PRKD1: variants seen among roughly 807,000 people sequenced by gnomAD.
PRKD1 encodes serine/threonine-protein kinase D1.
In PRKD1, 63 loss-of-function variants were observed where a neutral mutation model predicts 95.9. The ratio of observed to expected loss-of-function variants is 0.66; its 90% CI spans 0.54 to 0.81. The LOEUF (loss-of-function observed/expected upper bound fraction) is 0.81, where lower values mean the gene tolerates loss of function less well. PRKD1 is among the 30% of genes least tolerant of loss of function. The pLI, the probability that PRKD1 is intolerant of heterozygous loss-of-function variation, is 0.00. For missense variants in PRKD1, 1,048 were observed against 1,165.3 expected (o/e 0.90, Z 1.47); for synonymous variants, 425 against 423.1 (o/e 1.00, Z -0.05).
At chr14:29,838,179 T>C (rs1437388817) in intron 1 of PRKD1, among the ~76,000 whole-genome samples, 2 of 152,164 alleles carry the variant, frequency 1.3e-5, no homozygotes, top group African/African-American at 4.8e-5. Context: ...GGGGATGAAA[T>C]TTTTGGACCC....
At chr14:29,710,037 G>T (rs1885266636) in intron 2 of PRKD1, among the ~76,000 whole-genome samples, 1 of 152,090 alleles carries the variant, frequency 6.6e-6, no homozygotes, top group South Asian at 2.1e-4. Flanking sequence ...GTTTAAGAAG[G>T]AAAGTTGAAT....
At chr14:29,712,784 T>C (rs556391284) in intron 2 of PRKD1, among the ~76,000 whole-genome samples, 2 of 152,290 alleles carry the variant, frequency 1.3e-5, no homozygotes, top group Non-Finnish European at 2.9e-5. Flanking sequence ...ATGGGTTGCA[T>C]GTTAAAAGCA....
At chr14:29,759,603 G>T (rs1414042145) in intron 1 of PRKD1, among the ~76,000 whole-genome samples, 2 of 152,148 alleles carry the variant, frequency 1.3e-5, no homozygotes, top group African/African-American at 4.8e-5. Context: ...AGTGATTCTT[G>T]GATTAAGTTT....
intron 13 of PRKD1, among the ~76,000 whole-genome samples, chr14:29,605,774 T>C (rs1893682160): frequency 6.6e-6 from 1 of 152,214 alleles, no homozygotes; most frequent in South Asian, 2.1e-4. Context: ...AGTCTCTACG[T>C]CTCCTTACTT....
At chr14:29,628,404 A>G (rs1175108673) in intron 11 of PRKD1, among the ~76,000 whole-genome samples, 2 of 152,234 alleles carry the variant, frequency 1.3e-5, no homozygotes, top group Non-Finnish European at 2.9e-5. Flanking sequence ...GCTACTTGCC[A>G]TAGGGATAAA....
In PRKD1 at chr14:29,855,283, G is replaced by A. The variant is rs565140026; in HGVS notation, c.264+71966C>T. 2.9e-4 allele frequency among the ~76,000 whole-genome samples: 44 copies of A among 152,286 alleles called. 1 individual carries two copies. Among genetic ancestry groups the A allele is most frequent in the East Asian group, 9.7e-4 (5 of 5,160 alleles). ...CTGTACCCTGCAAAGCCATAGGGAC[G>A]GAGCTGCCCAAGACCATGGGAACCC... On this transcript the variant is annotated intron_variant, in intron 1 of 17. Transcript: ENST00000331968.
intron 1 of PRKD1, among the ~76,000 whole-genome samples, chr14:29,855,680 T>G (rs535692238): frequency 6.6e-6 from 1 of 152,288 alleles, no homozygotes; most frequent in East Asian, 1.9e-4. Flanking sequence ...CCAACTCTCA[T>G]CTTGTAGCTC....
intron 13 of PRKD1, among the ~76,000 whole-genome samples, chr14:29,612,463 A>G (rs1878535544): frequency 6.6e-6 from 1 of 152,170 alleles, no homozygotes; most frequent in Admixed American, 6.5e-5. Context: ...ATAGGAGTTA[A>G]TTTAGTCCCC....
intron 2 of PRKD1, among the ~76,000 whole-genome samples, chr14:29,723,053 T>C (rs45567237): frequency 0.012 from 1,896 of 152,118 alleles, 44 homozygotes; most frequent in African/African-American, 0.043. Flanking sequence ...CCTTGTCTTA[T>C]TGGTGAAGTC....
intron 1 of PRKD1, among the ~76,000 whole-genome samples, chr14:29,790,405 A>C (rs571616093): frequency 6.6e-6 from 1 of 152,278 alleles, no homozygotes; most frequent in East Asian, 1.9e-4. Flanking sequence ...ATGTGCCATA[A>C]ATACTGCCAG....
At chr14:29,618,212 C>T (rs923727506) in intron 13 of PRKD1, among the ~76,000 whole-genome samples, 2 of 151,708 alleles carry the variant, frequency 1.3e-5, no homozygotes, top group African/African-American at 2.4e-5. Context: ...AAACAATATA[C>T]ATGGGATGAT....
chr14:29,889,477 G>A (rs148718594), intron 1 of PRKD1, among the ~76,000 whole-genome samples: 152 of 152,264 alleles, frequency 1.0e-3, no homozygotes, highest in African/African-American at 3.3e-3. Flanking sequence ...CCTAGCCAAG[G>A]GAAGCCATGA....
At chr14:29,838,448 G>T (rs1419999083) in intron 1 of PRKD1, among the ~76,000 whole-genome samples, 1 of 152,186 alleles carries the variant, frequency 6.6e-6, no homozygotes, top group East Asian at 1.9e-4. Context: ...ATCCTTCCAA[G>T]AAATTAGTTA....
At chr14:29,850,084 A>G (rs965618537) in intron 1 of PRKD1, among the ~76,000 whole-genome samples, 2 of 152,180 alleles carry the variant, frequency 1.3e-5, no homozygotes, top group Non-Finnish European at 2.9e-5. Context: ...ACAAACCCAC[A>G]GCCAATGTCA....
chr14:29,757,211 TC>T (rs1464753003), intron 1 of PRKD1, among the ~76,000 whole-genome samples: 7 of 152,170 alleles, frequency 4.6e-5, no homozygotes, highest in African/African-American at 1.7e-4. Context: ...ATCACCATTC[TC>T]AGAGTCTAAC....
chr14:29,776,943 C>T (rs1049429150), intron 1 of PRKD1, among the ~76,000 whole-genome samples: 5 of 152,334 alleles, frequency 3.3e-5, no homozygotes, highest in African/African-American at 1.2e-4. Context: ...AAGAGCGGAT[C>T]TCTCTGCAGA....
intron 13 of PRKD1, among the ~76,000 whole-genome samples, chr14:29,615,108 G>A (rs1191719439): frequency 6.6e-6 from 1 of 152,006 alleles, no homozygotes; most frequent in African/African-American, 2.4e-5. Context: ...TAATTCTGTA[G>A]GGAAAGTGGA....
At chr14:29,902,711 G>A (rs1405439172) in intron 1 of PRKD1, among the ~76,000 whole-genome samples, 1 of 152,062 alleles carries the variant, frequency 6.6e-6, no homozygotes, top group Non-Finnish European at 1.5e-5. Flanking sequence ...ATTTCTAATT[G>A]TTGCATGAAC....
At chr14:29,894,170 G>A (rs1422302800) in intron 1 of PRKD1, among the ~76,000 whole-genome samples, 1 of 152,186 alleles carries the variant, frequency 6.6e-6, no homozygotes, top group Non-Finnish European at 1.5e-5. Flanking sequence ...GATGGGAGGT[G>A]GAGGAAAAGT....
Sources: gnomAD v4.1 joint callset for allele counts (sites outside exome capture counted in the v4.1 genomes callset) on GRCh38, gnomAD v4.1.1 for gene constraint, MANE v1.5 for transcripts, NCBI Gene and HGNC (gene_info 2026-07-23, HGNC 2026-07-21) for gene names.